Variants in DCBLD1 observed in about 807,000 individuals in gnomAD.
DCBLD1 encodes the protein discoidin, CUB and LCCL domain containing 1.
A neutral mutation model predicts 71.5 loss-of-function variants in DCBLD1; 57 were observed. That is an observed-to-expected ratio of 0.80 (90% CI 0.64 to 0.99). DCBLD1 has a LOEUF of 0.99. DCBLD1 is among the 50% of genes least tolerant of loss of function. The pLI, the probability that DCBLD1 is intolerant of heterozygous loss-of-function variation, is 0.00. For missense variants in DCBLD1, 891 were observed against 923.5 expected, an observed-to-expected ratio of 0.96 and a Z score of 0.46; for synonymous variants, 380 against 363.8, an observed-to-expected ratio of 1.04 and a Z score of -0.51.
intron 2 of DCBLD1, among the ~76,000 whole-genome samples, chr6:117,516,728 G>A (rs1778213038): frequency 6.6e-6 from 1 of 152,214 alleles, no homozygotes; most frequent in Non-Finnish European, 1.5e-5. Flanking sequence ...AGCTGGGGAA[G>A]CCTCAAATCA....
chr6:117,484,707 A>C (rs1234334922), intron 1 of DCBLD1, among the ~76,000 whole-genome samples: 3 of 152,168 alleles, frequency 2.0e-5, no homozygotes, highest in African/African-American at 7.2e-5. Context: ...AAATGCTACC[A>C]TCTGTGTTAT....
At position 117,503,774 on chromosome 6, in the gene DCBLD1, C is replaced by A. The variant is rs781703451; in HGVS notation, c.120C>A (p.Gly40=). ...CTTCTTTTTCTTTACCAGGTGATGG[C>A]TGTGGACACCTAGTGACTTATCAGG... The part of the protein sequence containing the change: ...LRLQAEELGD[G]CGHLVTYQDS... Residue 40 remains glycine (G), a synonymous_variant, in exon 2 of 15, where the codon GGC becomes GGA. Transcript: ENST00000338728. 2 of 1,614,016 alleles carry A rather than the reference C, an allele frequency of 1.2e-6. No homozygotes were observed. The highest frequency in any genetic ancestry group is 2.2e-5 in the South Asian group (2 of 91,062).
intron 1 of DCBLD1, among the ~76,000 whole-genome samples, chr6:117,486,943 T>C (rs780119530): frequency 6.6e-6 from 1 of 152,108 alleles, no homozygotes; most frequent in Non-Finnish European, 1.5e-5. Context: ...TTGAACTCTA[T>C]TGTGAACTGC....
intron 9 of DCBLD1, chr6:117,539,773 T>A (rs1779026284): frequency 6.4e-6 from 1 of 155,076 alleles, no homozygotes; most frequent in African/African-American, 2.4e-5. Context: ...ATAAAACTTT[T>A]AAAAAGATGA....
chr6:117,563,956 C>A, intron 14 of DCBLD1, among the ~76,000 whole-genome samples: 1 of 150,692 alleles, frequency 6.6e-6, no homozygotes. Context: ...AGTTTCCTAT[C>A]AAGTTTTCCT....
chr6:117,565,093 T>C (rs1353556630), intron 14 of DCBLD1, among the ~76,000 whole-genome samples: 1 of 152,228 alleles, frequency 6.6e-6, no homozygotes, highest in Non-Finnish European at 1.5e-5. Context: ...ATTCATTTCT[T>C]TGTTAAAAAT....
chr6:117,495,092 A>G (rs901172327), intron 1 of DCBLD1, among the ~76,000 whole-genome samples: 33 of 152,158 alleles, frequency 2.2e-4, no homozygotes, highest in African/African-American at 7.7e-4. Context: ...GACTAGTACC[A>G]CAGTATCTAC....
At chr6:117,535,839 CCTTT>C (rs1472216019) in intron 6 of DCBLD1, among the ~76,000 whole-genome samples, 2 of 152,250 alleles carry the variant, frequency 1.3e-5, no homozygotes, top group Admixed American at 1.3e-4. Context: ...ATGATTAGCG[CCTTT>C]CTTTAAGTGT....
At chr6:117,516,359 CAAA>C (rs200161442) in intron 2 of DCBLD1, among the ~76,000 whole-genome samples, 2 of 102,940 alleles carry the variant, frequency 1.9e-5, no homozygotes, top group Admixed American at 2.1e-4. Context: ...GACTCCATCT[CAAA>C]AAAAAAAAAA....
chr6:117,491,095 C>G (rs1250061443), intron 1 of DCBLD1, among the ~76,000 whole-genome samples: 1 of 152,164 alleles, frequency 6.6e-6, no homozygotes, highest in Non-Finnish European at 1.5e-5. Flanking sequence ...TGTTGCCTAA[C>G]TTTTAAATGG....
intron 2 of DCBLD1, among the ~76,000 whole-genome samples, chr6:117,512,956 A>G (rs181394074): frequency 3.9e-5 from 6 of 152,218 alleles, no homozygotes; most frequent in Non-Finnish European, 5.9e-5. Context: ...CTATTTTTCA[A>G]ACATGTCCCT....
chr6:117,485,524 G>A (rs1562423670), intron 1 of DCBLD1, among the ~76,000 whole-genome samples: 1 of 152,138 alleles, frequency 6.6e-6, no homozygotes, highest in Non-Finnish European at 1.5e-5. Flanking sequence ...AATTTATTCT[G>A]TCACCTTCTG....
In DCBLD1 at chr6:117,540,750, T is replaced by C. The variant is rs1222912388; in HGVS notation, c.1184T>C (p.Val395Ala). The change falls in exon 10 of 15, where the codon GTC (valine) becomes GCC (alanine). Residue 395 changes from valine (V) to alanine (A), a missense_variant. Coordinates refer to ENST00000338728, the MANE Select transcript of DCBLD1 (RefSeq NM_001366458.2). ...ATCGTGGCCAGATATGTGCGGGTTG[T>C]CCCCCAGACATGGCACCAGAGGATA... The part of the protein sequence containing the change: ...PPIVARYVRV[V>A]PQTWHQRIAL... The C allele has an allele frequency of 1.2e-6, 2 of 1,614,150 alleles. No homozygotes were observed. Among genetic ancestry groups the C allele is most frequent in the East Asian group, 4.5e-5 (2 of 44,890 alleles).
At chr6:117,502,973 C>T (rs527816071) in intron 1 of DCBLD1, among the ~76,000 whole-genome samples, 1 of 152,318 alleles carries the variant, frequency 6.6e-6, no homozygotes, top group East Asian at 1.9e-4. Context: ...CTGCAACATT[C>T]TTTCTTGCCT....
intron 2 of DCBLD1, among the ~76,000 whole-genome samples, chr6:117,513,209 A>G (rs1224792507): frequency 6.6e-6 from 1 of 152,206 alleles, no homozygotes; most frequent in Non-Finnish European, 1.5e-5. Flanking sequence ...TCTTCCTTAT[A>G]GGACAGCTTT....
In DCBLD1 at chr6:117,547,914, G is replaced by A. The variant is rs1004149181; in HGVS notation, c.1623G>A (p.Gln541=). 4 of 1,550,412 alleles carry A rather than the reference G, an allele frequency of 2.6e-6. No homozygotes were observed. The highest frequency in any genetic ancestry group is 2.0e-5 in the Admixed American group (1 of 50,978). Residue 541 remains glutamine (Q), a synonymous_variant, in exon 15 of 15, where the codon CAG becomes CAA. Transcript: ENST00000338728. ...DLITSDMADY[Q]QPLMIGTGTV... is the part of the protein sequence containing the mutation. ...TCTGTCTTGTGGTTTCAGATTACCA[G>A]CAGCCCCTCATGATTGGCACCGGGA...
At chr6:117,522,579 C>T (rs560923788) in intron 4 of DCBLD1, among the ~76,000 whole-genome samples, 7 of 152,110 alleles carry the variant, frequency 4.6e-5, no homozygotes, top group Admixed American at 1.3e-4. Flanking sequence ...GTAGCTGGGA[C>T]GACAGGTGTG....
At chr6:117,537,512 T>A (rs146735226) in intron 7 of DCBLD1, among the ~76,000 whole-genome samples, 12 of 145,770 alleles carry the variant, frequency 8.2e-5, no homozygotes, top group East Asian at 2.0e-4. Context: ...CCAGCCTGGG[T>A]AACAGAGCGA....
chr6:117,496,256 T>A (rs996625147), intron 1 of DCBLD1, among the ~76,000 whole-genome samples: 1 of 152,268 alleles, frequency 6.6e-6, no homozygotes, highest in African/African-American at 2.4e-5. Flanking sequence ...CATAGTATTA[T>A]TATCCATATT....
Sources: gnomAD v4.1 joint callset for allele counts (sites outside exome capture counted in the v4.1 genomes callset) on GRCh38, gnomAD v4.1.1 for gene constraint, MANE v1.5 for transcripts, NCBI Gene and HGNC (gene_info 2026-07-23, HGNC 2026-07-21) for gene names.